The following CNTN6 variants were observed in gnomAD, a reference collection of about 807,000 sequenced individuals.
CNTN6 encodes the protein contactin-6.
Under a neutral mutation model 122.8 loss-of-function variants are expected in CNTN6, and 137 were observed. The ratio of observed to expected loss-of-function variants is 1.12; its 90% confidence interval spans 0.97 to 1.29. The LOEUF is 1.29. CNTN6 is among the 50% of genes most tolerant of loss of function. The pLI is 0.00. For synonymous variants in CNTN6, 570 were observed against 426.0 expected (o/e 1.34, Z -4.16); for missense variants, 1,634 against 1,223.4 (o/e 1.34, Z -5.01).
intron 10 of CNTN6, among the ~76,000 whole-genome samples, chr3:1,329,501 T>C (rs964677322): frequency 6.6e-6 from 1 of 151,836 alleles, no homozygotes; most frequent in Non-Finnish European, 1.5e-5. Flanking sequence ...ATTGAGCCTA[T>C]ACTTTGCGCC....
intron 2 of CNTN6, among the ~76,000 whole-genome samples, chr3:1,183,280 C>T (rs2093583757): frequency 6.6e-6 from 1 of 152,080 alleles, no homozygotes; most frequent in Non-Finnish European, 1.5e-5. Flanking sequence ...ATGGTTCAAA[C>T]TCTTCTATGA....
At chr3:1,382,237 T>A (rs1692005482) in intron 17 of CNTN6, among the ~76,000 whole-genome samples, 2 of 152,186 alleles carry the variant, frequency 1.3e-5, no homozygotes, top group African/African-American at 4.8e-5. Context: ...ATTTGCTAAG[T>A]TTATGTGATT....
At chr3:1,201,921 G>A (rs906398293) in intron 2 of CNTN6, among the ~76,000 whole-genome samples, 3 of 152,112 alleles carry the variant, frequency 2.0e-5, no homozygotes, top group Admixed American at 6.5e-5. Flanking sequence ...TGGAATTACA[G>A]GTGCAAATAT....
chr3:1,383,294 A>T lies in CNTN6; in HGVS notation c.2403A>T (p.Glu801Asp), dbSNP rs1348201686. 6.2e-7 allele frequency: 1 copy of T among 1,613,278 alleles called. No individual in the cohort carries two copies. The highest frequency in any genetic ancestry group is 8.5e-7 in the Non-Finnish European group (1 of 1,179,226). The stretch of plus-strand genomic sequence containing the variant: ...GTTATGTCTTTCTCTGGATGGTAGA[A>T]CCTCAACTGGCCCCAAGGGGAACTT... Reference protein sequence around the residue: ...TVTIVYSGEDEPQLAPRGTSL... With the variant: ...TVTIVYSGEDDPQLAPRGTSL... The change falls in exon 19 of 23, where the codon GAA becomes GAT. Residue 801 changes from glutamate to aspartate, a missense_variant and splice_region_variant. Glu to Asp is a conservative substitution (Grantham distance 45). Coordinates refer to ENST00000446702, the MANE Select transcript of CNTN6 (RefSeq NM_001289080.2).
intron 7 of CNTN6, among the ~76,000 whole-genome samples, chr3:1,306,189 A>C (rs866235517): frequency 2.6e-5 from 4 of 152,176 alleles, no homozygotes; most frequent in Non-Finnish European, 5.9e-5. Context: ...AGAGAACAGA[A>C]TCTCTTCCTA....
intron 4 of CNTN6, among the ~76,000 whole-genome samples, chr3:1,230,979 T>G (rs1024131738): frequency 6.6e-6 from 1 of 152,202 alleles, no homozygotes; most frequent in Non-Finnish European, 1.5e-5. Flanking sequence ...CCCCCAGCTA[T>G]GAATACCCAC....
intron 2 of CNTN6, among the ~76,000 whole-genome samples, chr3:1,179,340 G>A (rs746191231): frequency 5.3e-5 from 8 of 152,038 alleles, no homozygotes; most frequent in Non-Finnish European, 1.0e-4. Flanking sequence ...TATCAATCTC[G>A]GAGTCTCTAC....
intron 4 of CNTN6, 151 bp downstream of exon 4, chr3:1,228,144 A>G (rs1478133098): frequency 3.0e-6 from 2 of 659,616 alleles, no homozygotes; most frequent in Non-Finnish European, 4.9e-6. Flanking sequence ...GTGAATCTAG[A>G]TTCTTGGGTA....
At chr3:1,332,811 T>C (rs1376552560) in intron 11 of CNTN6, among the ~76,000 whole-genome samples, 1 of 152,070 alleles carries the variant, frequency 6.6e-6, no homozygotes, top group Non-Finnish European at 1.5e-5. Flanking sequence ...TTATTTCTTC[T>C]ACATCTTTGG....
rs539073514 is a variant in CNTN6, at chr3:1,332,397, G to T, written c.1364+2462G>T. The stretch of plus-strand genomic sequence containing the variant: ...AGCATCTATGCTTCTGTTTGTGTCA[G>T]ACTATTGCCTTTTTTATAGTCTTAT... On this transcript the variant is annotated intron_variant, in intron 11 of 22. Transcript: ENST00000446702. 1.1e-3 allele frequency among the ~76,000 whole-genome samples: 163 copies of T among 151,984 alleles called. 1 individual carries two copies. Among genetic ancestry groups the T allele is most frequent in the African/African-American group, 3.8e-3 (156 of 41,496 alleles).
intron 17 of CNTN6, among the ~76,000 whole-genome samples, chr3:1,381,114 T>C (rs1691807340): frequency 6.6e-6 from 1 of 152,174 alleles, no homozygotes; most frequent in Non-Finnish European, 1.5e-5. Flanking sequence ...CTAATTGTAC[T>C]TGACTAACAA....
At chr3:1,335,479 A>C (rs1702922489) in intron 11 of CNTN6, among the ~76,000 whole-genome samples, 1 of 152,126 alleles carries the variant, frequency 6.6e-6, no homozygotes, top group African/African-American at 2.4e-5. Context: ...AAGTGAACTG[A>C]CAGAAATCAA....
chr3:1,138,153 C>T (rs1463350298), intron 1 of CNTN6, among the ~76,000 whole-genome samples: 1 of 152,296 alleles, frequency 6.6e-6, no homozygotes, highest in Admixed American at 6.5e-5. Flanking sequence ...CCTCTTAAAC[C>T]GTGATGCTCG....
chr3:1,337,322 C>T (rs573874200), intron 11 of CNTN6, among the ~76,000 whole-genome samples: 19 of 152,122 alleles, frequency 1.2e-4, no homozygotes, highest in Non-Finnish European at 2.6e-4. Flanking sequence ...TTCTTCCTCC[C>T]TGTCTGACAC....
At chr3:1,387,375 G>A (rs2126203094) in intron 20 of CNTN6, among the ~76,000 whole-genome samples, 1 of 152,302 alleles carries the variant, frequency 6.6e-6, no homozygotes, top group South Asian at 2.1e-4. Context: ...CTAAATCAAT[G>A]AAGTTGTTGC....
rs555553843 is a variant in CNTN6 at position 1,268,813 on chromosome 3, AAAAG to A, written c.359-9599_359-9596del. Among the ~76,000 whole-genome samples the A allele has an allele frequency of 5.1e-3, 775 of 152,000 alleles. 5 individuals carry two copies. Among genetic ancestry groups the A allele is most frequent in the Non-Finnish European group, 8.6e-3 (584 of 67,972 alleles). On this transcript the variant is annotated intron_variant, in intron 4 of 22. Transcript: ENST00000446702. ...CCGACACTGAGATGAAAGCTGAAAA[AAAAG>A]CCAGTTTAAAAGTTCAAGCTGGGAT... is the stretch of plus-strand genomic sequence containing the variant.
intron 16 of CNTN6, among the ~76,000 whole-genome samples, chr3:1,376,156 G>A (rs891195328): frequency 1.3e-5 from 2 of 152,020 alleles, no homozygotes; most frequent in Non-Finnish European, 2.9e-5. Context: ...TTGTCATTAC[G>A]TCAAGAAAAA....
intron 7 of CNTN6, among the ~76,000 whole-genome samples, chr3:1,320,161 CA>C (rs1700650620): frequency 6.6e-6 from 1 of 151,490 alleles, no homozygotes; most frequent in Non-Finnish European, 1.5e-5. Context: ...TTTAAAAGGA[CA>C]AAAACTTAGT....
chr3:1,176,122 G>T (rs1184505049), intron 2 of CNTN6, among the ~76,000 whole-genome samples: 1 of 152,200 alleles, frequency 6.6e-6, no homozygotes, highest in Non-Finnish European at 1.5e-5. Flanking sequence ...AGTCAGAGTT[G>T]TGATGAATTT....
Sources: gnomAD v4.1 joint callset for allele counts (sites outside exome capture counted in the v4.1 genomes callset) on GRCh38, gnomAD v4.1.1 for gene constraint, MANE v1.5 for transcripts, NCBI Gene and HGNC (gene_info 2026-07-23, HGNC 2026-07-21) for gene names.